Variants in ADAMTS10 observed in about 807,000 individuals in gnomAD.
ADAMTS10 encodes the protein ADAM metallopeptidase with thrombospondin type 1 motif 10.
Under a neutral mutation model 135.9 loss-of-function variants are expected in ADAMTS10, and 48 were observed. The observed-to-expected ratio is 0.35, with a 90% CI of 0.28 to 0.45. The LOEUF (loss-of-function observed/expected upper bound fraction) is 0.45. Among genes scored for constraint, ADAMTS10 ranks in the 20% least tolerant of loss-of-function variants. ADAMTS10 has a pLI of 1.00. For missense variants in ADAMTS10, 1,131 were observed against 1,565.2 expected (o/e 0.72, Z 4.68); for synonymous variants, 621 against 647.5 (o/e 0.96, Z 0.62).
chr19:8,585,462 C>A lies in ADAMTS10; in HGVS notation c.2859G>T (p.Trp953Cys). The change falls in exon 23 of 26, where the codon TGG becomes TGT. Residue 953 changes from tryptophan to cysteine, a missense_variant. By Grantham distance (215) the Trp-to-Cys change is radical (BLOSUM62 -2). Coordinates refer to ENST00000597188, the MANE Select transcript of ADAMTS10 (RefSeq NM_030957.4). ...AAGGAAGGGGGCGGCTGACCTCAGA[C>A]CAGTCGAGGGCCGCCCACTCCGGAG... ...TCPPEWAALDWSECTPSCGPG... is the reference protein window; with the variant it reads ...TCPPEWAALDCSECTPSCGPG... The A allele has an allele frequency of 2.6e-6, 4 of 1,537,220 alleles. No homozygotes were observed. Among genetic ancestry groups the A allele is most frequent in the Non-Finnish European group, 3.5e-6 (4 of 1,140,822 alleles).
Position 8,589,482 on chromosome 19 carries a change from C to T in ADAMTS10, c.2004G>A (p.Thr668=), listed in dbSNP as rs376367684. 1.9e-6 allele frequency: 3 copies of T among 1,613,690 alleles called. No individual in the cohort carries two copies. The highest frequency in any genetic ancestry group is 1.1e-5 in the South Asian group (1 of 91,088). ...VVDGTPCRPD[T]VDICVSGECK... ...ATTCGCCACTGACGCAAATGTCCACCGTGTCTGGACGGCAGGGTGTCCCGT... is the reference window on the plus strand; with the variant it reads ...ATTCGCCACTGACGCAAATGTCCACTGTGTCTGGACGGCAGGGTGTCCCGT... Residue 668 remains threonine, a synonymous_variant, in exon 17 of 26, where the codon ACG becomes ACA. Transcript: ENST00000597188.
chr19:8,592,190 C>CAG lies in ADAMTS10; in HGVS notation c.1588-89_1588-88dup, dbSNP rs35484313. The CAG allele has an allele frequency of 0.23, 340,198 of 1,508,154 alleles. 36,949 individuals carry two copies. The highest frequency in any genetic ancestry group is 0.28 in the African/African-American group (17,961 of 64,112). The allele number at this position is 1,508,154 out of a possible 1,614,324, so 93.4% of individuals were successfully genotyped here. ...ACCGTTCCCCACTCCAGGCCCCAGCCAGAGATATCAGCCTCTCCGGGATGG... is the reference window on the plus strand; with the variant it reads ...ACCGTTCCCCACTCCAGGCCCCAGCCAGAGAGATATCAGCCTCTCCGGGATGG... On this transcript the variant is annotated intron_variant, in intron 13 of 25. Coordinates refer to ENST00000597188, the MANE Select transcript of ADAMTS10 (RefSeq NM_030957.4).
In ADAMTS10 at chr19:8,603,828, C is replaced by A; in HGVS notation, c.492G>T (p.Gly164=). ...CCTCCGGGCTCCGAGAACCCTTGGG[C>A]CCACCGTGCAGGGGCTCAATCAGGT... The part of the protein sequence containing the change: ...EEYLIEPLHG[G]PKGSRSPEES... Residue 164 remains glycine, a synonymous_variant, in exon 5 of 26, where the codon GGG becomes GGT. Transcript: ENST00000597188. 6.2e-7 allele frequency: 1 copy of A among 1,614,040 alleles called. No individual in the cohort carries two copies. Among genetic ancestry groups the A allele is most frequent in the South Asian group, 1.1e-5 (1 of 91,076 alleles).
At chr19:8,604,002 T>A in intron 4 of ADAMTS10, 118 bp from the exon 5 acceptor site, 4 of 226,996 alleles carry the variant, frequency 1.8e-5, no homozygotes, top group Non-Finnish European at 2.3e-5. Flanking sequence ...TTGCTATTTC[T>A]TTTTTTTTTT....
At chr19:8,595,706 C>A in intron 12 of ADAMTS10, 56 bp downstream of exon 12, 1 of 1,433,700 alleles carries the variant, frequency 7.0e-7, no homozygotes, top group Non-Finnish European at 9.5e-7. Flanking sequence ...GTTCCCTCCC[C>A]CAGCCCCAGC....
At chr19:8,592,731 T>TGGCCCAGTTGGGGGCCC in intron 13 of ADAMTS10, 32 bp downstream of exon 13, 2 of 1,589,154 alleles carry the variant, frequency 1.3e-6, no homozygotes, top group Admixed American at 1.8e-5. Flanking sequence ...TCAGGGGGCG[T>TGGCCCAGTTGGGGGCCC]GGCCCAGTTG....
chr19:8,591,771 C>A (rs782046804), intron 15 of ADAMTS10, 29 bp downstream of exon 15: 3 of 1,612,154 alleles, frequency 1.9e-6, no homozygotes, highest in African/African-American at 1.3e-5. Flanking sequence ...TTCCTCCCCC[C>A]ACCCCTCAAG....
chr19:8,587,246 T>G (rs373205657), intron 18 of ADAMTS10, among the ~76,000 whole-genome samples: 93 of 150,708 alleles, frequency 6.2e-4, no homozygotes, highest in African/African-American at 2.3e-3. Flanking sequence ...AGCCTCAGAC[T>G]CCTAGGCTTA....
intron 12 of ADAMTS10, among the ~76,000 whole-genome samples, chr19:8,595,201 G>A (rs369243998): frequency 6.6e-6 from 1 of 152,030 alleles, no homozygotes; most frequent in African/African-American, 2.4e-5. Flanking sequence ...TCAGCTTCCT[G>A]GGGGGAGCTG....
chr19:8,588,297 G>T (rs1398626114), intron 18 of ADAMTS10, among the ~76,000 whole-genome samples: 1 of 151,642 alleles, frequency 6.6e-6, no homozygotes, highest in Non-Finnish European at 1.5e-5. Flanking sequence ...GGTTGCCCAG[G>T]CTGGTCTCAA....
chr19:8,600,479 G>C, intron 6 of ADAMTS10, among the ~76,000 whole-genome samples: 1 of 145,958 alleles, frequency 6.9e-6, no homozygotes, highest in East Asian at 2.0e-4. Flanking sequence ...CTTTCTTTCT[G>C]TCTTTTCTTT....
intron 2 of ADAMTS10, among the ~76,000 whole-genome samples, chr19:8,606,078 AG>A (rs2042719024): frequency 6.6e-6 from 1 of 152,164 alleles, no homozygotes; most frequent in Non-Finnish European, 1.5e-5. Flanking sequence ...TCTTTTGTTA[AG>A]AGACAGGGCG....
Position 8,589,269 on chromosome 19 carries a change from C to G in ADAMTS10, c.2131G>C (p.Val711Leu). The change falls in exon 18 of 26, where the codon GTC becomes CTC. Residue 711 changes from valine to leucine, a missense_variant. Physicochemically the swap from Val to Leu is conservative, Grantham distance 32 (BLOSUM62 1). Around this residue, in one of 3 missense-constraint regions of ADAMTS10, gnomAD observed 745 missense variants for 1,056.3 expected, o/e 0.71. Transcript: ENST00000597188. The part of the protein sequence containing the change: ...DGSACETIEG[V>L]FSPASPGAGY... ...GCCCCAGGTGAGGCTGGGCTGAAGA[C>G]GCCCTCGATGGTCTCGCAGGCACTG... 1 of 1,612,516 alleles carries G rather than the reference C, an allele frequency of 6.2e-7. No individual in the cohort carries two copies. Among genetic ancestry groups the G allele is most frequent in the Non-Finnish European group, 8.5e-7 (1 of 1,179,958 alleles).
chr19:8,598,773 C>T (rs1392480730), intron 6 of ADAMTS10, among the ~76,000 whole-genome samples: 1 of 151,880 alleles, frequency 6.6e-6, no homozygotes, highest in Admixed American at 6.6e-5. Context: ...CAGGATTTCA[C>T]CATGTTGGCC....
At chr19:8,590,702 G>C (rs1259487995) in intron 15 of ADAMTS10, among the ~76,000 whole-genome samples, 1 of 151,716 alleles carries the variant, frequency 6.6e-6, no homozygotes, top group Non-Finnish European at 1.5e-5. Context: ...TCAGGTGATT[G>C]ACCCGCCTCG....
Position 8,580,502 on chromosome 19 carries a change from T to TG in ADAMTS10, c.*390dup. 1 of 197,572 alleles carries TG rather than the reference T, an allele frequency of 5.1e-6. No homozygotes were observed. 12.2% of individuals were successfully genotyped at this position (197,572 alleles called of 1,614,324 possible). ...TCGGAGTGGAGGGGTAGGGCAGTGC[T>TG]GGGGGGCAGGGCACCGGCAGACCAC... On this transcript the variant is annotated 3_prime_UTR_variant, in exon 26 of 26. Coordinates refer to ENST00000597188, the MANE Select transcript of ADAMTS10 (RefSeq NM_030957.4).
Position 8,585,204 on chromosome 19 carries a change from C to A in ADAMTS10, c.2970G>T (p.Lys990Asn). The A allele has an allele frequency of 4.9e-6, 7 of 1,420,738 alleles. No individual in the cohort carries two copies. Among genetic ancestry groups the A allele is most frequent in the Non-Finnish European group, 6.4e-6 (7 of 1,091,500 alleles). 88.0% of individuals were successfully genotyped at this position (1,420,738 alleles called of 1,614,324 possible). A position where few individuals can be genotyped will look rare whatever the true frequency, so the allele number is the denominator to read the frequency against. Residue 990 changes from lysine (K) to asparagine (N), a missense_variant, in exon 24 of 26, where the codon AAG becomes AAT. Physicochemically the swap from Lys to Asn is moderately conservative, Grantham distance 94 (BLOSUM62 0). This residue lies in a region of ADAMTS10 where 745 missense variants were observed against 1,056.3 expected (regional missense o/e 0.71). Coordinates refer to ENST00000597188, the MANE Select transcript of ADAMTS10 (RefSeq NM_030957.4). ...LPPAHCSPAA[K>N]PPATMRCNLR... ...AGTTGCAGCGCATGGTGGCCGGTGG[C>A]TTGGCGGCGGGTGAGCAGTGCGCCG... is the stretch of plus-strand genomic sequence containing the variant.
In ADAMTS10 at chr19:8,589,313, C is replaced by T. The variant is rs782779682; in HGVS notation, c.2087G>A (p.Arg696Gln). Residue 696 changes from arginine to glutamine, a missense_variant, in exon 18 of 26, where the codon CGA (arginine) becomes CAA (glutamine). By Grantham distance (43) the Arg-to-Gln change is conservative. Coordinates refer to ENST00000597188, the MANE Select transcript of ADAMTS10 (RefSeq NM_030957.4). The stretch of plus-strand genomic sequence containing the variant: ...GGCACTGCCGTCACCGCCACACACT[C>T]GGCACTTGTCCTCCCGCAGGTCGGA... ...LGSDLREDKC[R>Q]VCGGDGSACE... The T allele has an allele frequency of 6.8e-6, 11 of 1,612,572 alleles. No individual in the cohort carries two copies. Among genetic ancestry groups the T allele is most frequent in the African/African-American group, 2.7e-5 (2 of 74,914 alleles).
chr19:8,599,122 T>C (rs1037427867), intron 6 of ADAMTS10, among the ~76,000 whole-genome samples: 3 of 152,032 alleles, frequency 2.0e-5, no homozygotes, highest in Non-Finnish European at 4.4e-5. Flanking sequence ...ATATCTCCAT[T>C]TGATACACTG....
Sources: allele counts gnomAD v4.1 joint callset (sites outside exome capture counted in the v4.1 genomes callset), GRCh38; gene constraint gnomAD v4.1.1; regional missense constraint gnomAD v4.1.1; transcripts MANE v1.5; gene names NCBI Gene and HGNC (gene_info 2026-07-23, HGNC 2026-07-21).